The following HIGD1A variants were observed in gnomAD, a reference collection of about 807,000 sequenced individuals.
The protein encoded by HIGD1A is HIG1 hypoxia inducible domain family member 1A.
HIGD1A carries 8 observed loss-of-function variants against 11.3 expected under a neutral mutation model. The ratio of observed to expected loss-of-function variants is 0.71; its 90% CI spans 0.42 to 1.28. HIGD1A has a LOEUF of 1.28. HIGD1A is among the 50% of genes most tolerant of loss of function. HIGD1A has a pLI of 0.01. For synonymous variants in HIGD1A, 32 were observed against 38.4 expected (o/e 0.83, Z 0.62); for missense variants, 107 against 118.8 (o/e 0.90, Z 0.46).
At chr3:42,788,040 T>G (rs541452585) in intron 2 of HIGD1A, among the ~76,000 whole-genome samples, 4 of 151,948 alleles carry the variant, frequency 2.6e-5, no homozygotes, top group African/African-American at 9.6e-5. Flanking sequence ...CTCTAACCAC[T>G]GAGAAGCTGA....
rs1054798026 is a variant in HIGD1A at position 42,784,279 on chromosome 3, A to G, written c.*992T>C. 3 of 152,260 alleles carry G rather than the reference A, an allele frequency of 2.0e-5. No homozygotes were observed. Among genetic ancestry groups the G allele is most frequent in the African/African-American group, 7.2e-5 (3 of 41,474 alleles). The allele number at this position is 152,260 out of a possible 1,614,324, so 9.4% of individuals were successfully genotyped here. ...GTTCCTCTACAGAAAGCTTTTCCTC[A>G]TGAAATAAATAAAAGACATTTGACA... On this transcript the variant is annotated 3_prime_UTR_variant, in exon 4 of 4. Coordinates refer to ENST00000321331, the MANE Select transcript of HIGD1A (RefSeq NM_014056.4).
At chr3:42,800,157 T>G (rs968935658) in intron 1 of HIGD1A, among the ~76,000 whole-genome samples, 1 of 151,884 alleles carries the variant, frequency 6.6e-6, no homozygotes, top group Non-Finnish European at 1.5e-5. Context: ...GAAACCCCCA[T>G]CTCTACTAAA....
intron 1 of HIGD1A, 51 bp from the exon 2 acceptor site, chr3:42,794,326 T>G (rs1021204635): frequency 6.7e-7 from 1 of 1,482,092 alleles, no homozygotes; most frequent in Non-Finnish European, 9.0e-7. Context: ...CTGAACATTA[T>G]TAAATATCTG....
intron 1 of HIGD1A, among the ~76,000 whole-genome samples, chr3:42,795,723 GAA>G (rs35403872): frequency 2.2e-4 from 31 of 142,130 alleles, no homozygotes; most frequent in African/African-American, 7.6e-4. Context: ...AAGGGGATAG[GAA>G]AAAAAAAAAA....
intron 1 of HIGD1A, among the ~76,000 whole-genome samples, chr3:42,796,402 CTAAAG>C (rs2125593472): frequency 6.6e-6 from 1 of 150,820 alleles, no homozygotes; most frequent in South Asian, 2.1e-4. Context: ...AATATAAACA[CTAAAG>C]TAATTAATCG....
chr3:42,799,422 G>A (rs1398888993), intron 1 of HIGD1A, among the ~76,000 whole-genome samples: 2 of 152,064 alleles, frequency 1.3e-5, no homozygotes, highest in Non-Finnish European at 2.9e-5. Flanking sequence ...GCAAGAAGGG[G>A]GTTTGTTTTA....
intron 1 of HIGD1A, among the ~76,000 whole-genome samples, chr3:42,796,527 G>A (rs1023371455): frequency 2.6e-5 from 4 of 151,884 alleles, no homozygotes; most frequent in Non-Finnish European, 5.9e-5. Flanking sequence ...ACCAAGACAG[G>A]GGAATTGCAA....
rs1700334970 is a variant in HIGD1A at position 42,785,210 on chromosome 3, A to C, written c.*61T>G. 4 of 1,282,550 alleles carry C rather than the reference A, an allele frequency of 3.1e-6. No individual in the cohort carries two copies. The highest frequency in any genetic ancestry group is 4.5e-6 in the Non-Finnish European group (4 of 895,706). The allele number at this position is 1,282,550 out of a possible 1,614,324, so 79.4% of individuals were successfully genotyped here. A position where few individuals can be genotyped will look rare whatever the true frequency, so the allele number is the denominator to read the frequency against. On this transcript the variant is annotated 3_prime_UTR_variant, in exon 4 of 4. Transcript: ENST00000321331. Reference sequence around the variant, plus strand: ...ATTTCCAACAATAATAGGTAACTTTAATAATAAGACATCTAACTAAAGCAA... The same window carrying C: ...ATTTCCAACAATAATAGGTAACTTTCATAATAAGACATCTAACTAAAGCAA...
intron 1 of HIGD1A, among the ~76,000 whole-genome samples, chr3:42,796,525 AG>A (rs749747759): frequency 1.3e-5 from 2 of 152,064 alleles, no homozygotes; most frequent in African/African-American, 4.8e-5. Context: ...TTACCAAGAC[AG>A]GGGAATTGCA....
intron 2 of HIGD1A, among the ~76,000 whole-genome samples, chr3:42,792,122 C>CAGGA (rs938931705): frequency 1.2e-4 from 19 of 152,152 alleles, no homozygotes; most frequent in African/African-American, 4.3e-4. Context: ...TGTTGTCTTT[C>CAGGA]AGAGTCGGGA....
chr3:42,786,477 G>A (rs533726878), intron 2 of HIGD1A, among the ~76,000 whole-genome samples: 6 of 152,078 alleles, frequency 3.9e-5, no homozygotes, highest in Non-Finnish European at 7.4e-5. Flanking sequence ...TGTGCCAAAG[G>A]TCTTGACTTA....
intron 1 of HIGD1A, among the ~76,000 whole-genome samples, chr3:42,801,787 C>T (rs1382627627): frequency 6.6e-6 from 1 of 152,238 alleles, no homozygotes; most frequent in Non-Finnish European, 1.5e-5. Context: ...CTAAAAACTT[C>T]TGCAGATATA....
chr3:42,804,284 C>G, intron 1 of HIGD1A, 152 bp downstream of exon 1: 3 of 1,291,744 alleles, frequency 2.3e-6, no homozygotes, highest in Non-Finnish European at 1.1e-6. Flanking sequence ...CGGGCCTGAG[C>G]CCCGGCAACT....
rs1366623819 is a variant in HIGD1A at position 42,786,164 on chromosome 3, T to G, written c.98-2A>C. 1 of 1,613,996 alleles carries G rather than the reference T, an allele frequency of 6.2e-7. No homozygotes were observed. On this transcript the variant is annotated splice_acceptor_variant, in intron 2 of 3. Transcript: ENST00000321331. LOFTEE classifies it high-confidence loss of function. Reference sequence around the variant, plus strand: ...CAATTGCTGCAAAACCCGCTATTCCTGTAAAACAAAGTAACAAGTATGTCA... The same window carrying G: ...CAATTGCTGCAAAACCCGCTATTCCGGTAAAACAAAGTAACAAGTATGTCA...
intron 1 of HIGD1A, among the ~76,000 whole-genome samples, chr3:42,799,506 G>T (rs1435389077): frequency 1.3e-5 from 2 of 152,154 alleles, no homozygotes; most frequent in African/African-American, 4.8e-5. Flanking sequence ...TGCCACGCAG[G>T]CTGGAGCACG....
chr3:42,799,841 G>T (rs889342598), intron 1 of HIGD1A, among the ~76,000 whole-genome samples: 1 of 152,256 alleles, frequency 6.6e-6, no homozygotes, highest in African/African-American at 2.4e-5. Context: ...GTAATTAGTT[G>T]TCAAAAGCCT....
In HIGD1A at chr3:42,804,445, G is replaced by GA. The variant is rs1224012282; in HGVS notation, c.-33dup. On this transcript the variant is annotated 5_prime_UTR_variant, in exon 1 of 4. Transcript: ENST00000321331. ...GGCTTGTTTCGCTTACCTAGAGCGAGAAAACCTCTCACACCCCAACCGGCT... is the reference window on the plus strand; with the variant it reads ...GGCTTGTTTCGCTTACCTAGAGCGAGAAAAACCTCTCACACCCCAACCGGCT... The GA allele has an allele frequency of 2.1e-5, 10 of 486,804 alleles. No homozygotes were observed. Among genetic ancestry groups the GA allele is most frequent in the Non-Finnish European group, 2.5e-5 (7 of 274,884 alleles). 30.2% of individuals were successfully genotyped at this position (486,804 alleles called of 1,614,324 possible).
In HIGD1A at chr3:42,784,125, C is replaced by T. The variant is rs932588679; in HGVS notation, c.*1146G>A. On this transcript the variant is annotated 3_prime_UTR_variant, in exon 4 of 4. Transcript: ENST00000321331. ...TGGATAATCAATAGAACAAAAATTA[C>T]CCACAAAAGGAAAAAAAATAAAACA... 2.0e-5 allele frequency among the ~76,000 whole-genome samples: 3 copies of T among 150,314 alleles called. No homozygotes were observed. The highest frequency in any genetic ancestry group is 3.5e-3 in the Middle Eastern group (1 of 288).
At chr3:42,801,322 CTCTT>C (rs978828235) in intron 1 of HIGD1A, among the ~76,000 whole-genome samples, 10 of 152,162 alleles carry the variant, frequency 6.6e-5, no homozygotes, top group Non-Finnish European at 1.5e-4. Context: ...AAATTTTTGT[CTCTT>C]TAAGTTCGTA....
Sources: allele counts gnomAD v4.1 joint callset (sites outside exome capture counted in the v4.1 genomes callset), GRCh38; gene constraint gnomAD v4.1.1; transcripts MANE v1.5; gene names NCBI Gene and HGNC (gene_info 2026-07-23, HGNC 2026-07-21).